Variants in CDC20B observed in about 807,000 individuals in gnomAD.
The protein encoded by CDC20B is cell division cycle protein 20 homolog B.
CDC20B carries 58 observed loss-of-function variants against 64.1 expected under a neutral mutation model. The ratio of observed to expected loss-of-function variants is 0.90; its 90% CI spans 0.73 to 1.13. The LOEUF (loss-of-function observed/expected upper bound fraction) is 1.13. CDC20B is among the 50% of genes most tolerant of loss of function. CDC20B has a pLI of 0.00. For synonymous variants in CDC20B, 243 were observed against 230.6 expected (o/e 1.05, Z -0.49); for missense variants, 597 against 633.0 (o/e 0.94, Z 0.61).
At chr5:55,115,892 A>G (rs1198896468) in intron 11 of CDC20B, among the ~76,000 whole-genome samples, 1 of 152,106 alleles carries the variant, frequency 6.6e-6, no homozygotes, top group Non-Finnish European at 1.5e-5. Flanking sequence ...ACACACACAC[A>G]CGCACACACA....
At chr5:55,158,153 G>A (rs1437393901) in intron 2 of CDC20B, among the ~76,000 whole-genome samples, 8 of 152,226 alleles carry the variant, frequency 5.3e-5, no homozygotes, top group East Asian at 3.9e-4. Context: ...ATTCTGACTC[G>A]GGAAGTCTGG....
intron 9 of CDC20B, among the ~76,000 whole-genome samples, chr5:55,123,502 A>G (rs1303483597): frequency 6.6e-6 from 1 of 152,210 alleles, no homozygotes; most frequent in South Asian, 2.1e-4. Context: ...GCACATGTCA[A>G]CCTGCAAAGT....
intron 2 of CDC20B, among the ~76,000 whole-genome samples, chr5:55,155,037 C>T (rs1243398426): frequency 1.3e-5 from 2 of 152,100 alleles, no homozygotes; most frequent in East Asian, 1.9e-4. Flanking sequence ...AAGGAAATGC[C>T]TGTCGCATAG....
intron 2 of CDC20B, among the ~76,000 whole-genome samples, chr5:55,169,432 G>A (rs759234799): frequency 2.0e-5 from 3 of 152,210 alleles, no homozygotes; most frequent in Non-Finnish European, 4.4e-5. Context: ...GGCTGCAAAT[G>A]TCCGCACAAG....
intron 8 of CDC20B, 52 bp from the exon 9 acceptor site, chr5:55,125,080 G>T (rs1320979474): frequency 4.9e-6 from 7 of 1,440,632 alleles, no homozygotes; most frequent in Non-Finnish European, 6.8e-6. Flanking sequence ...ATAAACATTT[G>T]AAAACATGGA....
At chr5:55,144,999 T>A (rs1394192195) in intron 3 of CDC20B, among the ~76,000 whole-genome samples, 1 of 152,236 alleles carries the variant, frequency 6.6e-6, no homozygotes, top group Admixed American at 6.5e-5. Context: ...ATGGTCTTTC[T>A]TGTAAAATCC....
chr5:55,118,565 G>A lies in CDC20B; in HGVS notation c.1459+1236C>T, dbSNP rs115600713. 7.4e-3 allele frequency among the ~76,000 whole-genome samples: 1,134 copies of A among 152,258 alleles called. 5 individuals carry two copies. Among genetic ancestry groups the A allele is most frequent in the Middle Eastern group, 0.014 (4 of 294 alleles). On this transcript the variant is annotated intron_variant, in intron 11 of 11. Coordinates refer to ENST00000381375, the MANE Select transcript of CDC20B (RefSeq NM_001170402.1). ...TAGCTGAAGGCCATACCTAGCTGCTGGAATTAGTTTTGTAAACAACCAGGT... is the reference window on the plus strand; with the variant it reads ...TAGCTGAAGGCCATACCTAGCTGCTAGAATTAGTTTTGTAAACAACCAGGT...
At chr5:55,160,538 G>A (rs1215990802) in intron 2 of CDC20B, 3 of 615,100 alleles carry the variant, frequency 4.9e-6, no homozygotes, top group Non-Finnish European at 8.5e-6. Flanking sequence ...CATCACTTTA[G>A]TTATTACAGT....
chr5:55,148,195 T>A (rs1743552776), intron 2 of CDC20B, among the ~76,000 whole-genome samples: 1 of 152,210 alleles, frequency 6.6e-6, no homozygotes, highest in Non-Finnish European at 1.5e-5. Context: ...AGATATTTAA[T>A]CTCACTAGCA....
In CDC20B at chr5:55,160,229, G is replaced by A. The variant is rs144559225; in HGVS notation, c.126+12359C>T. On this transcript the variant is annotated intron_variant, in intron 2 of 11. Transcript: ENST00000381375. ...TGCAGCTTACCCGCTAAAATGTTCC[G>A]GGCCCAGAGCAAAGGTATTTGCAGT... 7 of 1,613,846 alleles carry A rather than the reference G, an allele frequency of 4.3e-6. No individual in the cohort carries two copies. Among genetic ancestry groups the A allele is most frequent in the African/African-American group, 4.0e-5 (3 of 74,848 alleles).
intron 2 of CDC20B, among the ~76,000 whole-genome samples, chr5:55,150,281 G>C (rs1372281566): frequency 6.6e-6 from 1 of 152,186 alleles, no homozygotes; most frequent in South Asian, 2.1e-4. Context: ...CTGTAAAACA[G>C]GGACTATAAA....
chr5:55,166,456 G>A (rs147041984), intron 2 of CDC20B: 8 of 152,294 alleles, frequency 5.3e-5, no homozygotes, highest in South Asian at 2.1e-4. Context: ...ATTTGAAAGC[G>A]TGTCATACAT....
intron 2 of CDC20B, chr5:55,161,145 G>A (rs2111942350): frequency 6.2e-7 from 1 of 1,614,182 alleles, no homozygotes; most frequent in Non-Finnish European, 8.5e-7. Flanking sequence ...CCCCGCCCAA[G>A]CAAGGAAGTA....
At chr5:55,118,080 T>C (rs916779269) in intron 11 of CDC20B, among the ~76,000 whole-genome samples, 4 of 151,934 alleles carry the variant, frequency 2.6e-5, no homozygotes, top group Admixed American at 1.3e-4. Context: ...GATGGTGCCA[T>C]TGAGCTTCAG....
chr5:55,114,209 G>A lies in CDC20B; in HGVS notation c.*9C>T, dbSNP rs146563953. On this transcript the variant is annotated 3_prime_UTR_variant, in exon 12 of 12. Coordinates refer to ENST00000381375, the MANE Select transcript of CDC20B (RefSeq NM_001170402.1). The surrounding 1 kb of genome is among the most constrained non-coding windows in gnomAD (Gnocchi z 4.1). The stretch of plus-strand genomic sequence containing the variant: ...AAATAAGGAAACTGAAACCTAGAGG[G>A]GCTGGGTGCTAGTAGCAATTCCATA... The A allele has an allele frequency of 6.2e-7, 1 of 1,612,636 alleles. No homozygotes were observed. The highest frequency in any genetic ancestry group is 8.5e-7 in the Non-Finnish European group (1 of 1,179,294).
chr5:55,160,197 A>T (rs201240526), intron 2 of CDC20B: 8 of 1,613,264 alleles, frequency 5.0e-6, no homozygotes, highest in Non-Finnish European at 5.9e-6. Flanking sequence ...TCCAACATGG[A>T]GCCTCTTGCA....
chr5:55,133,727 T>C (rs1250073576), intron 5 of CDC20B, among the ~76,000 whole-genome samples, 199 bp from the exon 6 acceptor site: 4 of 152,084 alleles, frequency 2.6e-5, no homozygotes, highest in Admixed American at 2.0e-4. Flanking sequence ...AACAAGAAGA[T>C]TAAAATTTTT....
chr5:55,119,716 TA>T, intron 11 of CDC20B, 84 bp downstream of exon 11: 1 of 839,976 alleles, frequency 1.2e-6, no homozygotes, highest in Non-Finnish European at 2.0e-6. Context: ...ACCAGAAGGA[TA>T]AAATCTTTCA....
chr5:55,149,755 G>A (rs572046633), intron 2 of CDC20B, among the ~76,000 whole-genome samples: 149 of 152,310 alleles, frequency 9.8e-4, no homozygotes, highest in African/African-American at 3.2e-3. Flanking sequence ...TTCTTTTGAG[G>A]TGATGAAAAC....
Sources: gnomAD v4.1 joint callset for allele counts (sites outside exome capture counted in the v4.1 genomes callset) on GRCh38, gnomAD v4.1.1 for gene constraint, Gnocchi (gnomAD v3.1) non-coding constraint, MANE v1.5 for transcripts, NCBI Gene and HGNC (gene_info 2026-07-23, HGNC 2026-07-21) for gene names.